The following CEP120 variants were observed in gnomAD, a reference collection of about 807,000 sequenced individuals.
CEP120 encodes the protein centrosomal protein 120.
CEP120 carries 113 observed loss-of-function variants against 126.5 expected under a neutral mutation model. The ratio of observed to expected loss-of-function variants is 0.89; its 90% CI spans 0.77 to 1.04. The LOEUF (loss-of-function observed/expected upper bound fraction) is 1.04, where lower values mean the gene tolerates loss of function less well. CEP120 is among the 50% of genes least tolerant of loss of function. CEP120 has a pLI of 0.00. For missense variants in CEP120, 1,230 were observed against 1,155.7 expected, an observed-to-expected ratio of 1.06 and a Z score of -0.93; for synonymous variants, 400 against 394.3, an observed-to-expected ratio of 1.01 and a Z score of -0.17.
At chr5:123,404,364 T>TG (rs1773503377) in intron 4 of CEP120, among the ~76,000 whole-genome samples, 1 of 152,216 alleles carries the variant, frequency 6.6e-6, no homozygotes, top group Admixed American at 6.5e-5. Flanking sequence ...CTTGGGTTTA[T>TG]GGTGCCTAGA....
intron 4 of CEP120, among the ~76,000 whole-genome samples, chr5:123,406,663 C>A (rs1773699194): frequency 6.7e-6 from 1 of 149,562 alleles, no homozygotes; most frequent in South Asian, 2.1e-4. Context: ...GAAATAAAAA[C>A]TCTCAGACAA....
At chr5:123,400,930 G>A (rs1773171286) in intron 4 of CEP120, 1 of 1,546,524 alleles carries the variant, frequency 6.5e-7, no homozygotes, top group South Asian at 1.1e-5. Context: ...CACTTGGGCA[G>A]GACGTCAGAG....
In CEP120 at chr5:123,364,576, A is replaced by T. The variant is rs1422238452; in HGVS notation, c.2500T>A (p.Leu834Met). The T allele has an allele frequency of 6.2e-7, 1 of 1,605,042 alleles. No individual in the cohort carries two copies. Among genetic ancestry groups the T allele is most frequent in the Admixed American group, 1.7e-5 (1 of 59,230 alleles). Residue 834 changes from leucine to methionine, a missense_variant, in exon 18 of 20, where the codon TTG becomes ATG. Leu to Met is a conservative substitution (Grantham distance 15). Transcript: ENST00000306467. ...AGTTTAGACTTAGTTGCAGATTCCAACTTTCTTTCAAGTTCAACCTAACAG... is the reference window on the plus strand; with the variant it reads ...AGTTTAGACTTAGTTGCAGATTCCATCTTTCTTTCAAGTTCAACCTAACAG... ...TLEKVELERK[L>M]ESATKSKLHY...
chr5:123,415,373 T>C (rs567023557), intron 3 of CEP120, among the ~76,000 whole-genome samples: 2 of 152,296 alleles, frequency 1.3e-5, no homozygotes, highest in African/African-American at 4.8e-5. Context: ...AGGGGAATGC[T>C]GACAATTCAC....
At chr5:123,360,378 A>G (rs993533995) in intron 18 of CEP120, among the ~76,000 whole-genome samples, 13 of 151,854 alleles carry the variant, frequency 8.6e-5, no homozygotes, top group Non-Finnish European at 1.5e-4. Flanking sequence ...TGTAGTCTGC[A>G]GAACATCAAT....
intron 4 of CEP120, among the ~76,000 whole-genome samples, chr5:123,407,134 G>C (rs1431533763): frequency 6.9e-6 from 1 of 144,050 alleles, no homozygotes; most frequent in Non-Finnish European, 1.5e-5. Flanking sequence ...AAACAAAAAA[G>C]TATAACTGAT....
intron 14 of CEP120, among the ~76,000 whole-genome samples, chr5:123,380,571 T>C (rs1771566180): frequency 6.6e-6 from 1 of 152,084 alleles, no homozygotes; most frequent in African/African-American, 2.4e-5. Flanking sequence ...AAACCAAAAA[T>C]TACTTGGTGA....
chr5:123,360,066 TG>T (rs1379053822), intron 18 of CEP120, among the ~76,000 whole-genome samples: 1 of 151,978 alleles, frequency 6.6e-6, no homozygotes, highest in East Asian at 1.9e-4. Flanking sequence ...TACAGCCCCG[TG>T]GCTATTCACC....
At chr5:123,368,734 A>C (rs1182990459) in intron 17 of CEP120, among the ~76,000 whole-genome samples, 3 of 151,906 alleles carry the variant, frequency 2.0e-5, no homozygotes, top group Admixed American at 6.6e-5. Context: ...ATAATATCAA[A>C]AGATTATTTG....
intron 7 of CEP120, 124 bp from the exon 8 acceptor site, chr5:123,390,264 T>C: frequency 1.2e-6 from 1 of 802,812 alleles, no homozygotes. Flanking sequence ...TCCTAGTCTA[T>C]TTTTCTTCGT....
chr5:123,368,408 C>T (rs1397060879), intron 17 of CEP120, among the ~76,000 whole-genome samples: 1 of 151,880 alleles, frequency 6.6e-6, no homozygotes, highest in African/African-American at 2.4e-5. Flanking sequence ...TTTATAAACG[C>T]AGAAATACTT....
At chr5:123,362,548 G>A (rs1251155336) in intron 18 of CEP120, among the ~76,000 whole-genome samples, 1 of 151,636 alleles carries the variant, frequency 6.6e-6, no homozygotes, top group African/African-American at 2.4e-5. Flanking sequence ...TAATAAAATG[G>A]GAATATTACC....
chr5:123,401,278 G>T, intron 4 of CEP120: 1 of 1,609,100 alleles, frequency 6.2e-7, no homozygotes, highest in Non-Finnish European at 8.5e-7. Flanking sequence ...GCGGCCTCCA[G>T]CTCGACAACT....
intron 1 of CEP120, chr5:123,422,409 C>T: frequency 9.3e-7 from 1 of 1,074,606 alleles, no homozygotes; most frequent in East Asian, 2.6e-5. Context: ...ACATTCCCAG[C>T]ACAGTGTCTG....
At chr5:123,402,291 C>CG in intron 4 of CEP120, 1 of 1,472,708 alleles carries the variant, frequency 6.8e-7, no homozygotes. Context: ...GCTGAAGGCC[C>CG]GGGGGCCAGA....
chr5:123,413,600 C>T (rs75835460), intron 3 of CEP120, among the ~76,000 whole-genome samples: 3 of 152,070 alleles, frequency 2.0e-5, no homozygotes, highest in Non-Finnish European at 4.4e-5. Flanking sequence ...ATTTTTTACT[C>T]TGATCATTTG....
At chr5:123,401,044 CG>C in intron 4 of CEP120, 1 of 1,565,586 alleles carries the variant, frequency 6.4e-7, no homozygotes, top group East Asian at 2.2e-5. Context: ...TAGCTGAGGC[CG>C]GGGCTTGTGA....
At position 123,386,649 on chromosome 5, in the gene CEP120, A is replaced by C. The variant is rs1180200818; in HGVS notation, c.1449T>G (p.Phe483Leu). The C allele has an allele frequency of 6.9e-7, 1 of 1,446,346 alleles. No individual in the cohort carries two copies. The highest frequency in any genetic ancestry group is 1.5e-5 in the African/African-American group (1 of 67,752). 89.6% of individuals were successfully genotyped at this position (1,446,346 alleles called of 1,614,324 possible). The change falls in exon 10 of 20, where the codon TTT becomes TTG. Residue 483 changes from phenylalanine to leucine, a missense_variant. Physicochemically the swap from Phe to Leu is conservative, Grantham distance 22. Transcript: ENST00000306467. ...TAGTCATAATAGGAGCTGCACTTCCAAAGAATGGATATGAGTACCTAGAAT... is the reference window on the plus strand; with the variant it reads ...TAGTCATAATAGGAGCTGCACTTCCCAAGAATGGATATGAGTACCTAGAAT... ...NCILRYSYPF[F>L]GSAAPIMTNP...
chr5:123,411,763 G>A (rs1337235588), intron 4 of CEP120, among the ~76,000 whole-genome samples: 1 of 152,166 alleles, frequency 6.6e-6, no homozygotes, highest in Non-Finnish European at 1.5e-5. Context: ...CTACAATAGT[G>A]GATACTACAA....
Sources: allele counts gnomAD v4.1 joint callset (sites outside exome capture counted in the v4.1 genomes callset), GRCh38; gene constraint gnomAD v4.1.1; transcripts MANE v1.5; gene names NCBI Gene and HGNC (gene_info 2026-07-23, HGNC 2026-07-21).